CCSER1: variants seen among roughly 807,000 people sequenced by gnomAD.
CCSER1 encodes the protein serine-rich coiled-coil domain-containing protein 1.
In CCSER1, 41 loss-of-function variants were observed where a neutral mutation model predicts 82.0. The ratio of observed to expected loss-of-function variants is 0.50; its 90% CI spans 0.39 to 0.65. The LOEUF is 0.65. Among genes scored for constraint, CCSER1 ranks in the 30% least tolerant of loss-of-function variants. CCSER1 has a pLI of 0.00. For missense variants in CCSER1, 1,119 were observed against 1,064.2 expected, an observed-to-expected ratio of 1.05 and a Z score of -0.72; for synonymous variants, 414 against 383.9, an observed-to-expected ratio of 1.08 and a Z score of -0.92.
At chr4:90,161,542 A>G (rs887806683) in intron 1 of CCSER1, among the ~76,000 whole-genome samples, 2 of 152,094 alleles carry the variant, frequency 1.3e-5, no homozygotes, top group Non-Finnish European at 2.9e-5. Flanking sequence ...AAGGTAATCT[A>G]TCTCAGATCT....
intron 3 of CCSER1, among the ~76,000 whole-genome samples, chr4:90,336,870 A>G (rs1423030119): frequency 6.6e-6 from 1 of 152,236 alleles, no homozygotes; most frequent in African/African-American, 2.4e-5. Flanking sequence ...TGCATTCGTC[A>G]GCAATATTAG....
chr4:91,036,238 C>T (rs1741423726), intron 9 of CCSER1, among the ~76,000 whole-genome samples: 1 of 152,130 alleles, frequency 6.6e-6, no homozygotes. Flanking sequence ...TCATAACAAA[C>T]TTACTTGGCA....
chr4:90,747,085 G>C (rs1747603417), intron 7 of CCSER1, among the ~76,000 whole-genome samples: 1 of 152,032 alleles, frequency 6.6e-6, no homozygotes, highest in African/African-American at 2.4e-5. Flanking sequence ...GAGAAAAGGA[G>C]GGTAAGGGAG....
chr4:91,078,568 A>T (rs544363742), intron 9 of CCSER1, among the ~76,000 whole-genome samples: 1 of 152,364 alleles, frequency 6.6e-6, no homozygotes, highest in South Asian at 2.1e-4. Flanking sequence ...ACAAAGCTGG[A>T]CAGAGAATGA....
chr4:90,998,791 G>T (rs113781376), intron 9 of CCSER1, among the ~76,000 whole-genome samples: 3 of 151,014 alleles, frequency 2.0e-5, no homozygotes, highest in African/African-American at 4.9e-5. Flanking sequence ...GGGTTATATT[G>T]CATGATGCTG....
At chr4:90,508,836 A>C (rs1469429157) in intron 5 of CCSER1, among the ~76,000 whole-genome samples, 1 of 152,094 alleles carries the variant, frequency 6.6e-6, no homozygotes, top group Admixed American at 6.5e-5. Flanking sequence ...CATTGACAAT[A>C]GAAATAACTT....
rs184980588 is a variant in CCSER1, at chr4:91,387,933, T to A, written c.2218-210639T>A. ...ACTTTAGACTATTATTCATGAAATGTAGAAAAAAAATGTTACTTGCAGTAT... is the reference window on the plus strand; with the variant it reads ...ACTTTAGACTATTATTCATGAAATGAAGAAAAAAAATGTTACTTGCAGTAT... On this transcript the variant is annotated intron_variant, in intron 10 of 10. Coordinates refer to ENST00000509176, the MANE Select transcript of CCSER1 (RefSeq NM_001145065.2). Among the ~76,000 whole-genome samples, 3 of 152,146 alleles carry A rather than the reference T, an allele frequency of 2.0e-5. No homozygotes were observed. In the East Asian group the frequency reaches 5.8e-4, roughly 29 times the overall value.
intron 5 of CCSER1, among the ~76,000 whole-genome samples, chr4:90,583,602 G>C (rs1360867026): frequency 1.3e-5 from 2 of 151,932 alleles, no homozygotes; most frequent in Non-Finnish European, 2.9e-5. Context: ...CCTATATCTT[G>C]GTGACGACCG....
intron 10 of CCSER1, among the ~76,000 whole-genome samples, chr4:91,286,804 G>A (rs367637029): frequency 2.4e-4 from 36 of 151,760 alleles, no homozygotes; most frequent in African/African-American, 7.7e-4. Flanking sequence ...ATCAAGTTTC[G>A]TAATGTATTC....
intron 10 of CCSER1, among the ~76,000 whole-genome samples, chr4:91,294,386 C>A (rs963627350): frequency 1.1e-4 from 17 of 151,718 alleles, no homozygotes; most frequent in Admixed American, 9.2e-4. Flanking sequence ...CTGATAGATC[C>A]GAAAAGTGAA....
intron 4 of CCSER1, among the ~76,000 whole-genome samples, chr4:90,413,214 A>G (rs1258763439): frequency 6.6e-6 from 1 of 152,250 alleles, no homozygotes; most frequent in African/African-American, 2.4e-5. Flanking sequence ...AAAAACATAA[A>G]GTAAAATACT....
intron 10 of CCSER1, among the ~76,000 whole-genome samples, chr4:91,272,787 G>C (rs377277106): frequency 6.6e-6 from 1 of 152,168 alleles, no homozygotes; most frequent in Non-Finnish European, 1.5e-5. Flanking sequence ...TGAAAGATGA[G>C]GATCCAGTTT....
chr4:90,863,955 TTTTATTTTA>T (rs1765412774), intron 8 of CCSER1, among the ~76,000 whole-genome samples: 1 of 43,440 alleles, frequency 2.3e-5, no homozygotes, highest in African/African-American at 9.1e-5. Flanking sequence ...CACGTTTTTA[TTTTATTTTA>T]TTTTATTTTA....
intron 10 of CCSER1, among the ~76,000 whole-genome samples, chr4:91,579,131 T>TATTA (rs1168496941): frequency 6.6e-6 from 1 of 151,468 alleles, no homozygotes; most frequent in African/African-American, 2.4e-5. Context: ...TTATTATTAT[T>TATTA]ATTATTGTTT....
chr4:91,474,883 T>C (rs1462947022), intron 10 of CCSER1, among the ~76,000 whole-genome samples: 1 of 150,620 alleles, frequency 6.6e-6, no homozygotes, highest in Non-Finnish European at 1.5e-5. Context: ...TGTAATAACA[T>C]GACTCAGTGT....
chr4:91,405,791 T>C (rs964542345), intron 10 of CCSER1, among the ~76,000 whole-genome samples: 1 of 152,086 alleles, frequency 6.6e-6, no homozygotes, highest in Admixed American at 6.5e-5. Context: ...TTCCCTTGGC[T>C]AGGAAAGGGA....
chr4:91,047,608 C>A (rs1742625988), intron 9 of CCSER1, among the ~76,000 whole-genome samples: 1 of 152,102 alleles, frequency 6.6e-6, no homozygotes, highest in South Asian at 2.1e-4. Flanking sequence ...ACTGCTGCTC[C>A]TTTATAATTA....
chr4:91,350,032 T>A (rs72880816), intron 10 of CCSER1, among the ~76,000 whole-genome samples: 9,732 of 152,098 alleles, frequency 0.064, 1,027 homozygotes, highest in African/African-American at 0.22. Context: ...CAGTTTGTTC[T>A]GTTTTTTCAT....
chr4:90,489,490 ATAGG>A lies in CCSER1; in HGVS notation c.1724+21140_1724+21143del, dbSNP rs375513483. 9.6e-4 allele frequency among the ~76,000 whole-genome samples: 146 copies of A among 152,246 alleles called. No homozygotes were observed. In the East Asian group the frequency reaches 0.023, roughly 24 times the overall value. ...TCTTGGGCAAAGAGGGAAATTATTA[ATAGG>A]TAGTACGTCACTTCTAAATTCTTTT... On this transcript the variant is annotated intron_variant, in intron 5 of 10. Transcript: ENST00000509176.
Sources: allele counts gnomAD v4.1 joint callset (sites outside exome capture counted in the v4.1 genomes callset), GRCh38; gene constraint gnomAD v4.1.1; transcripts MANE v1.5; gene names NCBI Gene and HGNC (gene_info 2026-07-23, HGNC 2026-07-21).